Variants in STK32B observed in about 807,000 individuals in gnomAD.
STK32B encodes the protein serine/threonine kinase 32B.
Under a neutral mutation model 52.6 loss-of-function variants are expected in STK32B, and 43 were observed. The observed-to-expected ratio is 0.82, with a 90% CI of 0.64 to 1.05. STK32B has a LOEUF of 1.05. Among genes scored for constraint, STK32B ranks in the 50% least tolerant of loss-of-function variants. STK32B has a pLI of 0.00. For synonymous variants in STK32B, 238 were observed against 204.3 expected (o/e 1.17, Z -1.41); for missense variants, 621 against 534.6 (o/e 1.16, Z -1.59).
chr4:5,228,089 A>G (rs1372663360), intron 3 of STK32B, among the ~76,000 whole-genome samples: 1 of 152,226 alleles, frequency 6.6e-6, no homozygotes, highest in Admixed American at 6.5e-5. Context: ...AGAATAAATG[A>G]TAACTTTGAG....
Position 5,331,282 on chromosome 4 carries a change from T to C in STK32B, c.323T>C (p.Leu108Pro). The C allele has an allele frequency of 1.2e-6, 2 of 1,613,976 alleles. No homozygotes were observed. Among genetic ancestry groups the C allele is most frequent in the Non-Finnish European group, 1.7e-6 (2 of 1,179,914 alleles). The change falls in exon 4 of 12, where the codon CTG becomes CCG. Residue 108 changes from leucine to proline, a missense_variant. Coordinates refer to ENST00000282908, the MANE Select transcript of STK32B (RefSeq NM_018401.3). ...GTGGACCTGCTCCTGGGAGGCGACC[T>C]GCGCTACCATCTGCAGCAGAATGTG... ...MVVDLLLGGD[L>P]RYHLQQNVHF... is the part of the protein sequence containing the mutation.
intron 2 of STK32B, among the ~76,000 whole-genome samples, chr4:5,148,844 G>A (rs1717121398): frequency 6.6e-6 from 1 of 151,684 alleles, no homozygotes; most frequent in Non-Finnish European, 1.5e-5. Context: ...TATGATTGTG[G>A]AATTATTTCT....
At chr4:5,331,847 C>T (rs892081454) in intron 4 of STK32B, among the ~76,000 whole-genome samples, 4 of 152,202 alleles carry the variant, frequency 2.6e-5, no homozygotes, top group African/African-American at 7.2e-5. Flanking sequence ...TGCATAAAAG[C>T]TCTGAGTTTC....
At chr4:5,468,156 C>G (rs1201040224) in intron 11 of STK32B, 86 bp downstream of exon 11, 4 of 1,414,042 alleles carry the variant, frequency 2.8e-6, no homozygotes, top group African/African-American at 2.8e-5. Context: ...CCCTGCCCCC[C>G]AAACCGGCCT....
At chr4:5,214,746 G>C (rs983258812) in intron 3 of STK32B, among the ~76,000 whole-genome samples, 6 of 152,242 alleles carry the variant, frequency 3.9e-5, no homozygotes, top group African/African-American at 1.4e-4. Context: ...CTTATTTTCA[G>C]AAGATACTGT....
At chr4:5,057,975 C>T (rs1226383184) in intron 1 of STK32B, among the ~76,000 whole-genome samples, 1 of 152,116 alleles carries the variant, frequency 6.6e-6, no homozygotes, top group African/African-American at 2.4e-5. Context: ...GAAAAACACA[C>T]TCTATTAGGC....
In STK32B at chr4:5,453,447, C is replaced by G. The variant is rs912709145; in HGVS notation, c.667-3360C>G. Among the ~76,000 whole-genome samples the G allele has an allele frequency of 2.0e-5, 3 of 152,140 alleles. No homozygotes were observed. Among genetic ancestry groups the G allele is most frequent in the African/African-American group, 4.8e-5 (2 of 41,444 alleles). On this transcript the variant is annotated intron_variant, in intron 7 of 11. Coordinates refer to ENST00000282908, the MANE Select transcript of STK32B (RefSeq NM_018401.3). This position sits in a 1 kb window ranked among gnomAD's most constrained non-coding sequence, Gnocchi z 4.0. ...TGAGAATCGGGGACATTGGGAAAGT[C>G]TCTTTTCATCTCCCAGCCTCAGTTT...
intron 3 of STK32B, among the ~76,000 whole-genome samples, chr4:5,217,400 A>G (rs1723246102): frequency 6.6e-6 from 1 of 152,132 alleles, no homozygotes; most frequent in African/African-American, 2.4e-5. Flanking sequence ...GTGGGGGAGG[A>G]TGCATTAAAA....
chr4:5,172,597 A>G (rs1459924228), intron 3 of STK32B, among the ~76,000 whole-genome samples: 2 of 152,108 alleles, frequency 1.3e-5, no homozygotes, highest in Non-Finnish European at 2.9e-5. Context: ...TTCTGTTTAT[A>G]TGCTGGATTA....
chr4:5,233,216 T>C (rs1724395342), intron 3 of STK32B, among the ~76,000 whole-genome samples: 2 of 152,088 alleles, frequency 1.3e-5, no homozygotes, highest in African/African-American at 4.8e-5. Flanking sequence ...AGTACCAAGA[T>C]TTTGAATTAA....
chr4:5,240,694 G>A (rs1201387602), intron 3 of STK32B, among the ~76,000 whole-genome samples: 1 of 152,002 alleles, frequency 6.6e-6, no homozygotes, highest in Non-Finnish European at 1.5e-5. Flanking sequence ...TCCTGACCTC[G>A]GGTGATCCAG....
intron 4 of STK32B, among the ~76,000 whole-genome samples, chr4:5,358,554 A>G (rs1208990334): frequency 1.3e-5 from 2 of 152,166 alleles, no homozygotes; most frequent in African/African-American, 4.8e-5. Context: ...TTGGGCATTA[A>G]GAACAAAGAC....
chr4:5,109,360 T>C (rs1161678818), intron 1 of STK32B, among the ~76,000 whole-genome samples: 2 of 152,184 alleles, frequency 1.3e-5, no homozygotes, highest in African/African-American at 4.8e-5. Flanking sequence ...GACACACACA[T>C]GGACGAATGC....
At position 5,216,098 on chromosome 4, in the gene STK32B, C is replaced by T. The variant is rs184344383; in HGVS notation, c.260+47648C>T. Among the ~76,000 whole-genome samples the T allele has an allele frequency of 3.9e-3, 589 of 152,272 alleles. 8 individuals are homozygous for T. The highest frequency in any genetic ancestry group is 4.5e-3 in the Non-Finnish European group (305 of 68,024). The stretch of plus-strand genomic sequence containing the variant: ...CTTGATATTCTAGACTAGTGGTTCT[C>T]AAACCTCAGTGTGCATGAGAATCAC... On this transcript the variant is annotated intron_variant, in intron 3 of 11. Transcript: ENST00000282908.
the STK32B span, among the ~76,000 whole-genome samples, chr4:5,025,258 C>T: frequency 6.6e-6 from 1 of 152,108 alleles, no homozygotes; most frequent in Non-Finnish European, 1.5e-5. Context: ...GAGACGACCC[C>T]CACCTCCACA....
intron 1 of STK32B, among the ~76,000 whole-genome samples, chr4:5,133,753 C>G (rs540001684): frequency 2.6e-5 from 4 of 152,242 alleles, no homozygotes; most frequent in Admixed American, 2.6e-4. Flanking sequence ...GGTTGAAGGC[C>G]CATGGCTGGA....
At chr4:5,264,500 G>A (rs1244289683) in intron 3 of STK32B, among the ~76,000 whole-genome samples, 2 of 151,872 alleles carry the variant, frequency 1.3e-5, no homozygotes, top group African/African-American at 4.8e-5. Context: ...AAATTGTTGT[G>A]TTGTGACTGG....
intron 3 of STK32B, among the ~76,000 whole-genome samples, chr4:5,185,404 C>A (rs867288929): frequency 5.3e-5 from 8 of 152,138 alleles, no homozygotes; most frequent in African/African-American, 1.9e-4. Context: ...CGGATATCTA[C>A]CTGCCAGTCT....
chr4:5,173,341 C>T (rs545391618), intron 3 of STK32B, among the ~76,000 whole-genome samples: 2 of 151,886 alleles, frequency 1.3e-5, no homozygotes, highest in Admixed American at 6.6e-5. Context: ...CTTGCCTTCT[C>T]CTAGCTTTTG....
Sources: allele counts gnomAD v4.1 joint callset (sites outside exome capture counted in the v4.1 genomes callset), GRCh38; gene constraint gnomAD v4.1.1; non-coding constraint Gnocchi (gnomAD v3.1); transcripts MANE v1.5; gene names NCBI Gene and HGNC (gene_info 2026-07-23, HGNC 2026-07-21).